KLF7: variants seen among roughly 807,000 people sequenced by gnomAD.
KLF7 encodes KLF transcription factor 7, also known as Krueppel-like factor 7.
Under a neutral mutation model 27.3 loss-of-function variants are expected in KLF7, and 2 were observed. The observed-to-expected ratio is 0.07, with a 90% CI of 0.03 to 0.23. The LOEUF is 0.23. Ranked by LOEUF, KLF7 falls within the 10% of genes least tolerant of loss-of-function variation. The probability of loss-of-function intolerance (pLI) is 1.00; values close to 1 mark genes in which losing one functional copy is unlikely to be tolerated. For synonymous variants in KLF7, 165 were observed against 162.4 expected, an observed-to-expected ratio of 1.02 and a Z score of -0.12; for missense variants, 221 against 394.1, an observed-to-expected ratio of 0.56 and a Z score of 3.72.
At position 207,123,922 on chromosome 2, in the gene KLF7, C is replaced by T; in HGVS notation, c.585G>A (p.Lys195=). 1 of 1,614,070 alleles carries T rather than the reference C, an allele frequency of 6.2e-7. No homozygotes were observed. Among genetic ancestry groups the T allele is most frequent in the Non-Finnish European group, 8.5e-7 (1 of 1,180,050 alleles). The change falls in exon 2 of 4, where the codon AAG becomes AAA. Residue 195 remains lysine (K), a synonymous_variant. Transcript: ENST00000309446. The part of the protein sequence containing the change: ...AAAVTAAGAV[K]SGQSDSDQGG... ...CTTGGTCACTGTCGCTCTGTCCACTCTTAACGGCCCCCGCAGCCGTCACGG... is the reference window on the plus strand; with the variant it reads ...CTTGGTCACTGTCGCTCTGTCCACTTTTAACGGCCCCCGCAGCCGTCACGG...
Position 207,133,359 on chromosome 2 carries a change from A to G in KLF7, c.103-8955T>C, listed in dbSNP as rs115689906. Among the ~76,000 whole-genome samples, 920 of 152,344 alleles carry G rather than the reference A, an allele frequency of 6.0e-3. 5 individuals are homozygous for G. Among genetic ancestry groups the G allele is most frequent in the Non-Finnish European group, 0.011 (739 of 68,032 alleles). On this transcript the variant is annotated intron_variant, in intron 1 of 3. Coordinates refer to ENST00000309446, the MANE Select transcript of KLF7 (RefSeq NM_003709.4). The stretch of plus-strand genomic sequence containing the variant: ...AGTGCAAAGGGCTGGATCTGCACTG[A>G]AAGTGAGATTTAAGAATGAGAAAAT...
upstream of KLF7, among the ~76,000 whole-genome samples, chr2:207,170,721 G>C (rs1453038245): frequency 1.3e-5 from 2 of 152,020 alleles, no homozygotes; most frequent in East Asian, 3.9e-4. Flanking sequence ...AAGCACATCT[G>C]TTTATATGAT....
intron 1 of KLF7, among the ~76,000 whole-genome samples, chr2:207,136,800 A>G (rs1025570871): frequency 2.0e-5 from 3 of 152,188 alleles, no homozygotes; most frequent in African/African-American, 7.2e-5. Flanking sequence ...TCCAGGGAAC[A>G]CGTGAGCTGG....
chr2:207,139,579 T>G (rs1479720701), intron 1 of KLF7, among the ~76,000 whole-genome samples: 2 of 152,140 alleles, frequency 1.3e-5, no homozygotes, highest in African/African-American at 4.8e-5. Flanking sequence ...CTTAGTACCT[T>G]GGAAAAACAA....
intron 1 of KLF7, among the ~76,000 whole-genome samples, chr2:207,165,072 T>C (rs2078666051): frequency 1.7e-5 from 2 of 120,614 alleles, no homozygotes; most frequent in African/African-American, 3.2e-5. Flanking sequence ...ATCAAGTGGG[T>C]AGAGCTCATG....
intron 1 of KLF7, among the ~76,000 whole-genome samples, chr2:207,135,095 G>A (rs2077748478): frequency 6.6e-6 from 1 of 152,188 alleles, no homozygotes; most frequent in Admixed American, 6.5e-5. Flanking sequence ...TAAGTAAGCA[G>A]GGGACTCTGA....
At chr2:207,126,149 AC>A (rs2077471004) in intron 1 of KLF7, among the ~76,000 whole-genome samples, 1 of 152,134 alleles carries the variant, frequency 6.6e-6, no homozygotes, top group African/African-American at 2.4e-5. Context: ...AATTATCCTC[AC>A]TTGCTTCTTT....
chr2:207,139,450 C>A (rs1195474484), intron 1 of KLF7, among the ~76,000 whole-genome samples: 4 of 151,756 alleles, frequency 2.6e-5, no homozygotes, highest in African/African-American at 9.7e-5. Context: ...CCAAAAAGAC[C>A]AGAAACAGAA....
In KLF7 at chr2:207,115,732, C is replaced by T. The variant is rs76438786; in HGVS notation, c.733+8042G>A. ...GAATGCCATCCCAGTTCCCAACACT[C>T]CCCCATCATGTCTCCCTACCTGTTT... is the stretch of plus-strand genomic sequence containing the variant. On this transcript the variant is annotated intron_variant, in intron 2 of 3. Transcript: ENST00000309446. 5.5e-3 allele frequency among the ~76,000 whole-genome samples: 826 copies of T among 149,768 alleles called. 16 individuals are homozygous for T. The highest frequency in any genetic ancestry group is 0.018 in the African/African-American group (744 of 40,860).
upstream of KLF7, among the ~76,000 whole-genome samples, chr2:207,168,158 G>T (rs2078757054): frequency 6.6e-6 from 1 of 152,078 alleles, no homozygotes; most frequent in African/African-American, 2.4e-5. Context: ...AGAGGCAAAA[G>T]GTGAGGCAAG....
rs2077091900 is a variant in KLF7 at position 207,113,535 on chromosome 2, A to G, written c.733+10239T>C. On this transcript the variant is annotated intron_variant, in intron 2 of 3. Transcript: ENST00000309446. ...GAAAACAGCAGAGCAGCAGGCCCAG[A>G]CTGGTACCCAGCAGCAACACCAGGA... Among the ~76,000 whole-genome samples, 11 of 138,812 alleles carry G rather than the reference A, an allele frequency of 7.9e-5. No individual in the cohort carries two copies. In the Admixed American group the frequency reaches 8.8e-4, roughly 11 times the overall value. The allele number at this position is 138,812 out of a possible 152,430, so 91.1% of individuals were successfully genotyped here. A position where few individuals can be genotyped will look rare whatever the true frequency, so the allele number is the denominator to read the frequency against.
intron 1 of KLF7, among the ~76,000 whole-genome samples, chr2:207,157,774 T>A (rs550921330): frequency 1.3e-5 from 2 of 152,308 alleles, no homozygotes; most frequent in South Asian, 4.1e-4. Flanking sequence ...AATTTTAGAC[T>A]TCCGCTAATT....
At chr2:207,086,634 T>C (rs1012035082) in intron 3 of KLF7, among the ~76,000 whole-genome samples, 11 of 152,230 alleles carry the variant, frequency 7.2e-5, no homozygotes, top group African/African-American at 2.7e-4. Context: ...GTTTGGAACA[T>C]TTCTCCACGT....
upstream of KLF7, chr2:207,167,009 G>C (rs2078735754): frequency 1.1e-6 from 1 of 883,970 alleles, no homozygotes; most frequent in Non-Finnish European, 1.5e-6. Context: ...CGGGAGTCCG[G>C]CGGCTAGAGT....
rs765240261 is a variant in KLF7, at chr2:207,165,458, A to G, written c.102+9T>C. 2 of 1,614,138 alleles carry G rather than the reference A, an allele frequency of 1.2e-6. No homozygotes were observed. Among genetic ancestry groups the G allele is most frequent in the Non-Finnish European group, 1.7e-6 (2 of 1,180,018 alleles). On this transcript the variant is annotated intron_variant, in intron 1 of 3. Transcript: ENST00000309446. ...CACACGATTTACACAAGTAATTTAA[A>G]TCATTCACCTGCTGCCAGGTCTCCT... is the stretch of plus-strand genomic sequence containing the variant.
At chr2:207,148,108 T>C (rs1237237219) in intron 1 of KLF7, among the ~76,000 whole-genome samples, 1 of 152,216 alleles carries the variant, frequency 6.6e-6, no homozygotes, top group Admixed American at 6.5e-5. Context: ...CAATTCATGA[T>C]CTCAAGCATT....
chr2:207,157,502 TTAC>T (rs1243364494), intron 1 of KLF7, among the ~76,000 whole-genome samples: 1 of 152,176 alleles, frequency 6.6e-6, no homozygotes, highest in African/African-American at 2.4e-5. Flanking sequence ...TGGATGGCAT[TTAC>T]TACATGTGAA....
intron 1 of KLF7, among the ~76,000 whole-genome samples, chr2:207,138,106 G>C (rs1436812389): frequency 1.3e-5 from 2 of 152,188 alleles, no homozygotes; most frequent in East Asian, 1.9e-4. Context: ...CATTGAGGAA[G>C]AGACATTAAT....
rs987928986 is a variant in KLF7 at position 207,159,258 on chromosome 2, T to C, written c.102+6209A>G. Among the ~76,000 whole-genome samples the C allele has an allele frequency of 2.6e-5, 4 of 152,226 alleles. No homozygotes were observed. In the South Asian group the frequency reaches 8.3e-4, roughly 31 times the overall value. On this transcript the variant is annotated intron_variant, in intron 1 of 3. Transcript: ENST00000309446. Reference sequence around the variant, plus strand: ...GCCATTATGGATATGTGTATTCACATTGTATACTCATCTGCCCTAAAAGTA... The same window carrying C: ...GCCATTATGGATATGTGTATTCACACTGTATACTCATCTGCCCTAAAAGTA...
Sources: allele counts gnomAD v4.1 joint callset (sites outside exome capture counted in the v4.1 genomes callset), GRCh38; gene constraint gnomAD v4.1.1; transcripts MANE v1.5; gene names NCBI Gene and HGNC (gene_info 2026-07-23, HGNC 2026-07-21).